Variants in SCAF4 observed in about 807,000 individuals in gnomAD.
SCAF4 encodes the protein SR-related CTD associated factor 4.
In SCAF4, 25 loss-of-function variants were observed where a neutral mutation model predicts 129.8. That is an observed-to-expected ratio of 0.19 (90% CI 0.14 to 0.27). The LOEUF (loss-of-function observed/expected upper bound fraction) is 0.27. Among genes scored for constraint, SCAF4 ranks in the 10% least tolerant of loss-of-function variants. The pLI is 1.00. For missense variants in SCAF4, 1,246 were observed against 1,457.1 expected, an observed-to-expected ratio of 0.86 and a Z score of 2.36; for synonymous variants, 551 against 497.7, an observed-to-expected ratio of 1.11 and a Z score of -1.43.
At chr21:31,697,929 A>G (rs1013508155) in intron 7 of SCAF4, among the ~76,000 whole-genome samples, 13 of 152,202 alleles carry the variant, frequency 8.5e-5, no homozygotes, top group Non-Finnish European at 1.8e-4. Flanking sequence ...GCTGTTTTAC[A>G]TATTTTTATT....
chr21:31,712,202 A>T (rs2050814215), intron 1 of SCAF4, among the ~76,000 whole-genome samples: 1 of 139,268 alleles, frequency 7.2e-6, no homozygotes, highest in Admixed American at 7.5e-5. Flanking sequence ...GCTGAGTTTG[A>T]TTCTCCCATT....
chr21:31,731,571 C>T, intron 1 of SCAF4, 92 bp downstream of exon 1: 3 of 1,460,050 alleles, frequency 2.1e-6, no homozygotes, highest in Non-Finnish European at 2.8e-6. Context: ...GCGTCCCCAC[C>T]CGGACCAAAG....
intron 1 of SCAF4, among the ~76,000 whole-genome samples, chr21:31,720,767 T>A (rs571246269): frequency 1.8e-4 from 28 of 152,378 alleles, no homozygotes; most frequent in African/African-American, 6.5e-4. Context: ...TCTTTTCTTG[T>A]CCTTCCCTTA....
Position 31,685,728 on chromosome 21 carries a change from T to C in SCAF4, c.2049A>G (p.Pro683=), listed in dbSNP as rs1282627760. The change falls in exon 17 of 20, where the codon CCA becomes CCG. Residue 683 remains proline, a synonymous_variant. Transcript: ENST00000286835. Reference sequence around the variant, plus strand: ...CTACAGGTGGACCCGGTTGATGTGGTGGGACCTAGAAAGAAAGATAAAAGA... The same window carrying C: ...CTACAGGTGGACCCGGTTGATGTGGCGGGACCTAGAAAGAAAGATAAAAGA... ...APITVPPPQV[P]PHQPGPPVVG... is the part of the protein sequence containing the mutation. The C allele has an allele frequency of 1.3e-6, 2 of 1,590,402 alleles. No homozygotes were observed.
chr21:31,688,237 T>C lies in SCAF4; in HGVS notation c.2043+70A>G, dbSNP rs2123513406. ...GTTTTTTACTATGAATCCAGACATA[T>C]ATCTACAGTAAGATTTAGAAAGGGA... On this transcript the variant is annotated intron_variant, in intron 16 of 19. Transcript: ENST00000286835. 6.8e-6 allele frequency: 10 copies of C among 1,469,878 alleles called. No individual in the cohort carries two copies. In the East Asian group the frequency reaches 2.1e-4, roughly 31 times the overall value. The allele number at this position is 1,469,878 out of a possible 1,614,324, so 91.1% of individuals were successfully genotyped here.
chr21:31,701,971 T>TC, intron 5 of SCAF4, 53 bp from the exon 6 acceptor site: 1 of 1,587,030 alleles, frequency 6.3e-7, no homozygotes, highest in Non-Finnish European at 8.6e-7. Context: ...CTACAAGTTT[T>TC]CCTAATTAAG....
chr21:31,688,309 G>T lies in SCAF4; in HGVS notation c.2041C>A (p.Gln681Lys), dbSNP rs746825532. 4.3e-6 allele frequency: 7 copies of T among 1,612,546 alleles called. No homozygotes were observed. The highest frequency in any genetic ancestry group is 3.3e-5 in the Admixed American group (2 of 59,790). The change falls in exon 16 of 20, where the codon CAG (glutamine) becomes AAG (lysine). Residue 681 changes from glutamine (Q) to lysine (K), a missense_variant and splice_region_variant. Gln to Lys is a moderately conservative substitution (Grantham distance 53). Coordinates refer to ENST00000286835, the MANE Select transcript of SCAF4 (RefSeq NM_020706.2). ...AAGTCATGTCCCAATATTCTCACCT[G>T]TGGAGGTGGCACTGTTATAGGTGCA... The part of the protein sequence containing the change: ...VPAPITVPPP[Q>K]VPPHQPGPPV...
intron 11 of SCAF4, 103 bp from the exon 12 acceptor site, chr21:31,693,587 T>C: frequency 1.5e-6 from 1 of 681,298 alleles, no homozygotes; most frequent in Non-Finnish European, 2.1e-6. Context: ...TAATTTAATG[T>C]TTGGGTATGT....
Position 31,682,863 on chromosome 21 carries a change from A to G in SCAF4, c.2488+2186T>C, listed in dbSNP as rs2050028375. On this transcript the variant is annotated intron_variant, in intron 19 of 19. Transcript: ENST00000286835. ...GTCACCACATTCCTTTATCAAAATG[A>G]TAAAACTGGTTAGTCTTAGATGAAC... 3.3e-5 allele frequency among the ~76,000 whole-genome samples: 5 copies of G among 152,230 alleles called. No individual in the cohort carries two copies. In the South Asian group the frequency reaches 1.0e-3, roughly 32 times the overall value.
At position 31,685,565 on chromosome 21, in the gene SCAF4, T is replaced by C. The variant is rs1341435507; in HGVS notation, c.2209+3A>G. 1.9e-6 allele frequency: 3 copies of C among 1,613,976 alleles called. No individual in the cohort carries two copies. The highest frequency in any genetic ancestry group is 2.5e-6 in the Non-Finnish European group (3 of 1,179,988). ...AAGTATGTTCACAGACAATTTAGTG[T>C]ACCTGGTGGTAAATGCATTGGGTTG... On this transcript the variant is annotated splice_donor_region_variant and intron_variant, in intron 17 of 19. Coordinates refer to ENST00000286835, the MANE Select transcript of SCAF4 (RefSeq NM_020706.2).
At chr21:31,702,962 C>T (rs1184264048) in intron 4 of SCAF4, among the ~76,000 whole-genome samples, 6 of 152,086 alleles carry the variant, frequency 3.9e-5, no homozygotes, top group African/African-American at 1.2e-4. Context: ...TAAATGTCTC[C>T]GTTCTTCATT....
chr21:31,725,422 A>G (rs2051177875), intron 1 of SCAF4, among the ~76,000 whole-genome samples: 1 of 152,240 alleles, frequency 6.6e-6, no homozygotes, highest in Non-Finnish European at 1.5e-5. Flanking sequence ...CTCTTCCTTC[A>G]GAATAACATG....
chr21:31,702,407 C>A, intron 4 of SCAF4, 28 bp from the exon 5 acceptor site: 1 of 1,593,470 alleles, frequency 6.3e-7, no homozygotes, highest in South Asian at 1.1e-5. Flanking sequence ...CACAAATATA[C>A]AATAAATATT....
At chr21:31,719,829 C>T (rs1368357809) in intron 1 of SCAF4, among the ~76,000 whole-genome samples, 4 of 152,274 alleles carry the variant, frequency 2.6e-5, no homozygotes, top group South Asian at 4.1e-4. Flanking sequence ...TACACTACCT[C>T]CCCTACAATT....
rs371201332 is a variant in SCAF4, at chr21:31,695,325, CAATT to C, written c.1069-349_1069-346del. Among the ~76,000 whole-genome samples, 23 of 152,034 alleles carry C rather than the reference CAATT, an allele frequency of 1.5e-4. No individual in the cohort carries two copies. In the East Asian group the frequency reaches 2.7e-3, roughly 18 times the overall value. On this transcript the variant is annotated intron_variant, in intron 9 of 19. Transcript: ENST00000286835. ...AATGGTCTCTTTTCAGCTTTAAAGACAATTAAGCCTTTTGGGAGGAAAACTGGCT... is the reference window on the plus strand; with the variant it reads ...AATGGTCTCTTTTCAGCTTTAAAGACAAGCCTTTTGGGAGGAAAACTGGCT...
chr21:31,702,525 A>G lies in SCAF4; in HGVS notation c.322-146T>C, dbSNP rs538479652. 7.7e-4 allele frequency: 566 copies of G among 733,392 alleles called. 1 individual carries two copies. The African/African-American group carries it at 8.7e-3, about 11-fold the overall frequency. 45.4% of individuals were successfully genotyped at this position (733,392 alleles called of 1,614,324 possible). A position where few individuals can be genotyped will look rare whatever the true frequency, so the allele number is the denominator to read the frequency against. ...TAAACAAGGAAAAAAAAAAATCAGAATTACAACCTGGTTAAACTAATTAGT... is the reference window on the plus strand; with the variant it reads ...TAAACAAGGAAAAAAAAAAATCAGAGTTACAACCTGGTTAAACTAATTAGT... On this transcript the variant is annotated intron_variant, in intron 4 of 19. Transcript: ENST00000286835.
chr21:31,671,095 CCTT>C lies in SCAF4; in HGVS notation c.*301_*303del. 1 of 249,124 alleles carries C rather than the reference CCTT, an allele frequency of 4.0e-6. No individual in the cohort carries two copies. The highest frequency in any genetic ancestry group is 7.4e-6 in the Non-Finnish European group (1 of 134,246). The allele number at this position is 249,124 out of a possible 1,614,324, so 15.4% of individuals were successfully genotyped here. A position where few individuals can be genotyped will look rare whatever the true frequency, so the allele number is the denominator to read the frequency against. On this transcript the variant is annotated 3_prime_UTR_variant, in exon 20 of 20. Coordinates refer to ENST00000286835, the MANE Select transcript of SCAF4 (RefSeq NM_020706.2). ...TTGTTTTGAGGAGCTTTCACCGTTA[CCTT>C]GTCTTAAATTAAAAAAAAAAAAAAA...
intron 1 of SCAF4, among the ~76,000 whole-genome samples, chr21:31,719,070 C>T (rs1390726928): frequency 6.6e-6 from 1 of 152,120 alleles, no homozygotes; most frequent in African/African-American, 2.4e-5. Context: ...GTAGACAGAT[C>T]GCCTGAGGTC....
chr21:31,720,950 T>C (rs2051051984), intron 1 of SCAF4, among the ~76,000 whole-genome samples: 1 of 152,244 alleles, frequency 6.6e-6, no homozygotes, highest in Non-Finnish European at 1.5e-5. Context: ...AAAATGGTTA[T>C]GATATAACCT....
Sources: gnomAD v4.1 joint callset for allele counts (sites outside exome capture counted in the v4.1 genomes callset) on GRCh38, gnomAD v4.1.1 for gene constraint, MANE v1.5 for transcripts, NCBI Gene and HGNC (gene_info 2026-07-23, HGNC 2026-07-21) for gene names.